The following ODAD3 variants were observed in gnomAD, a reference collection of about 807,000 sequenced individuals.
ODAD3 encodes outer dynein arm-docking complex subunit 3.
Under a neutral mutation model 70.9 loss-of-function variants are expected in ODAD3, and 57 were observed. The observed-to-expected ratio is 0.80, with a 90% CI of 0.65 to 1.00. The LOEUF (loss-of-function observed/expected upper bound fraction) is 1.00. Among genes scored for constraint, ODAD3 ranks in the 50% least tolerant of loss-of-function variants. The pLI is 0.00. For synonymous variants in ODAD3, 327 were observed against 315.9 expected, an observed-to-expected ratio of 1.04 and a Z score of -0.37; for missense variants, 797 against 763.9, an observed-to-expected ratio of 1.04 and a Z score of -0.51.
chr19:11,425,085 GTA>G (rs1969267570), intron 7 of ODAD3, among the ~76,000 whole-genome samples: 6 of 127,132 alleles, frequency 4.7e-5, no homozygotes, highest in African/African-American at 2.4e-4. Flanking sequence ...ATGTGTATAT[GTA>G]CATATGTGTA....
chr19:11,431,113 CTTT>C (rs371864734), intron 1 of ODAD3, 93 bp from the exon 2 acceptor site: 416 of 1,252,572 alleles, frequency 3.3e-4, no homozygotes, highest in Middle Eastern at 5.1e-4. Flanking sequence ...CAATCATCAA[CTTT>C]TTTTTTTTTT....
chr19:11,426,593 T>A, intron 5 of ODAD3, 22 bp from the exon 6 acceptor site: 1 of 1,613,678 alleles, frequency 6.2e-7, no homozygotes, highest in Middle Eastern at 1.7e-4. Context: ...TGGGGAGGGG[T>A]AGCGGAGATG....
chr19:11,421,252 G>C, intron 11 of ODAD3, 40 bp from the exon 12 acceptor site: 1 of 1,570,442 alleles, frequency 6.4e-7, no homozygotes. Flanking sequence ...GGTGGGCGGG[G>C]CCAGGGGCCA....
intron 7 of ODAD3, among the ~76,000 whole-genome samples, chr19:11,425,088 C>CATATGTGT (rs1330599507): frequency 8.2e-6 from 1 of 121,818 alleles, no homozygotes; most frequent in Non-Finnish European, 1.6e-5. Context: ...TGTATATGTA[C>CATATGTGT]ATATGTGTAT....
chr19:11,423,246 G>C (rs775952607), intron 8 of ODAD3, among the ~76,000 whole-genome samples: 10 of 152,336 alleles, frequency 6.6e-5, no homozygotes, highest in Non-Finnish European at 1.2e-4. Flanking sequence ...CATCTGGAAA[G>C]GGGCTGCGCC....
At position 11,430,941 on chromosome 19, in the gene ODAD3, C is replaced by A; in HGVS notation, c.324G>T (p.Lys108Asn). Residue 108 changes from lysine (K) to asparagine (N), a missense_variant, in exon 2 of 13, where the codon AAG becomes AAT. Physicochemically the swap from Lys to Asn is moderately conservative, Grantham distance 94 (BLOSUM62 0). Transcript: ENST00000356392. ...KNQETISQLR[K>N]ETKALELKLL... is the part of the protein sequence containing the mutation. ...GCTTTAGTTCCAGTGCCTTAGTCTC[C>A]TTGCGGAGCTGACTGATGGTCTCCT... 1 of 1,614,046 alleles carries A rather than the reference C, an allele frequency of 6.2e-7. No individual in the cohort carries two copies. Among genetic ancestry groups the A allele is most frequent in the South Asian group, 1.1e-5 (1 of 91,070 alleles).
Position 11,434,791 on chromosome 19 carries a change from T to TATACATAAAAG in ODAD3, c.225_226insCTTTTATGTAT (p.Lys76LeufsTer10), listed in dbSNP as rs2144790522. 2 of 1,613,422 alleles carry TATACATAAAAG rather than the reference T, an allele frequency of 1.2e-6. No individual in the cohort carries two copies. The highest frequency in any genetic ancestry group is 1.1e-5 in the South Asian group (1 of 91,048). The stretch of plus-strand genomic sequence containing the variant: ...ATCTTACCTAACAGTTGTATCTTTT[T>TATACATAAAAG]ATGTAACTCAGCCACCTGAGAGTGC... On this transcript the variant is annotated frameshift_variant, in exon 1 of 13. Coordinates refer to ENST00000356392, the MANE Select transcript of ODAD3 (RefSeq NM_145045.5). LOFTEE classifies it high-confidence loss of function.
intron 1 of ODAD3, among the ~76,000 whole-genome samples, chr19:11,431,942 CA>C (rs71164201): frequency 4.4e-3 from 279 of 64,062 alleles, no homozygotes; most frequent in African/African-American, 0.011. Flanking sequence ...GACTCTGCCT[CA>C]AAAAAAAAAA....
chr19:11,426,490 G>A lies in ODAD3; in HGVS notation c.796C>T (p.His266Tyr). The change falls in exon 6 of 13, where the codon CAC becomes TAC. Residue 266 changes from histidine to tyrosine, a missense_variant. Physicochemically the swap from His to Tyr is moderately conservative, Grantham distance 83. Transcript: ENST00000356392. The part of the protein sequence containing the change: ...VRTKHELEAL[H>Y]VVNQEALNAR... ...TTGAGGGCCTCTTGGTTCACCACGTGCAGTGCCTCCAGCTCATGTTTGGTC... is the reference window on the plus strand; with the variant it reads ...TTGAGGGCCTCTTGGTTCACCACGTACAGTGCCTCCAGCTCATGTTTGGTC... The A allele has an allele frequency of 6.2e-7, 1 of 1,614,072 alleles. No homozygotes were observed. Among genetic ancestry groups the A allele is most frequent in the Non-Finnish European group, 8.5e-7 (1 of 1,179,968 alleles).
rs546923726 is a variant in ODAD3 at position 11,424,017 on chromosome 19, G to A, written c.976C>T (p.His326Tyr). The A allele has an allele frequency of 8.7e-6, 14 of 1,609,716 alleles. No individual in the cohort carries two copies. Among genetic ancestry groups the A allele is most frequent in the East Asian group, 2.2e-5 (1 of 44,856 alleles). The change falls in exon 8 of 13, where the codon CAC becomes TAC. Residue 326 changes from histidine (H) to tyrosine (Y), a missense_variant. His to Tyr is a moderately conservative substitution (Grantham distance 83, BLOSUM62 2). Coordinates refer to ENST00000356392, the MANE Select transcript of ODAD3 (RefSeq NM_145045.5). ...GTGTCGTCGGACTGTAGCAGCAGGT[G>A]CTCGCGGTGGGTCTGCTCGTGGGTT... Reference protein sequence around the residue: ...ERMERKTHREHLLLQSDDTIQ... With the variant: ...ERMERKTHREYLLLQSDDTIQ...
At chr19:11,434,243 C>G (rs974482520) in intron 1 of ODAD3, among the ~76,000 whole-genome samples, 19 of 145,610 alleles carry the variant, frequency 1.3e-4, no homozygotes, top group Non-Finnish European at 2.5e-4. Context: ...AAAAAAAACG[C>G]GGGTGCAGTG....
chr19:11,420,775 G>T lies in ODAD3; in HGVS notation c.*60C>A. On this transcript the variant is annotated 3_prime_UTR_variant, in exon 13 of 13. Transcript: ENST00000356392. Reference sequence around the variant, plus strand: ...CCTGAAGGGGCCCCGTGGGGCCTGCGCTAGACCCGGAGGGATCGGGGGCTC... The same window carrying T: ...CCTGAAGGGGCCCCGTGGGGCCTGCTCTAGACCCGGAGGGATCGGGGGCTC... 1 of 1,485,200 alleles carries T rather than the reference G, an allele frequency of 6.7e-7. No individual in the cohort carries two copies. Among genetic ancestry groups the T allele is most frequent in the Non-Finnish European group, 9.4e-7 (1 of 1,065,224 alleles). 92.0% of individuals were successfully genotyped at this position (1,485,200 alleles called of 1,614,324 possible).
Position 11,420,808 on chromosome 19 carries a change from G to A in ODAD3, c.*27C>T, listed in dbSNP as rs762580322. The A allele has an allele frequency of 2.5e-6, 4 of 1,592,674 alleles. No homozygotes were observed. Among genetic ancestry groups the A allele is most frequent in the Non-Finnish European group, 3.4e-6 (4 of 1,160,892 alleles). ...CGGAGGGATCGGGGGCTCCGAAGGGGGCCGCCTGGTGGGTGTCAGGACGAG... is the reference window on the plus strand; with the variant it reads ...CGGAGGGATCGGGGGCTCCGAAGGGAGCCGCCTGGTGGGTGTCAGGACGAG... On this transcript the variant is annotated 3_prime_UTR_variant, in exon 13 of 13. Coordinates refer to ENST00000356392, the MANE Select transcript of ODAD3 (RefSeq NM_145045.5).
chr19:11,428,353 C>G (rs1170732769), intron 3 of ODAD3, among the ~76,000 whole-genome samples: 2 of 151,906 alleles, frequency 1.3e-5, no homozygotes, highest in Non-Finnish European at 2.9e-5. Flanking sequence ...GTGATCCTTC[C>G]TCCTCAGCGT....
In ODAD3 at chr19:11,421,345, C is replaced by A. The variant is rs978286347; in HGVS notation, c.1591-133G>T. 1.1e-5 allele frequency: 9 copies of A among 835,196 alleles called. No homozygotes were observed. The Admixed American group carries it at 1.1e-4, about 10-fold the overall frequency. 51.7% of individuals were successfully genotyped at this position (835,196 alleles called of 1,614,324 possible). ...ACTGGAGACCACTGCCCACTCCCAT[C>A]CCTCCTTAAGCAGGCACCTTGATAC... On this transcript the variant is annotated intron_variant, in intron 11 of 12. Coordinates refer to ENST00000356392, the MANE Select transcript of ODAD3 (RefSeq NM_145045.5).
intron 7 of ODAD3, among the ~76,000 whole-genome samples, chr19:11,425,129 G>GTATATATGTA (rs377272277): frequency 8.1e-6 from 1 of 122,844 alleles, no homozygotes; most frequent in Non-Finnish European, 1.6e-5. Flanking sequence ...GTACATATGT[G>GTATATATGTA]TATATGTGTA....
upstream of ODAD3, chr19:11,435,537 G>A (rs1373969618): frequency 3.8e-6 from 2 of 519,582 alleles, no homozygotes; most frequent in Non-Finnish European, 6.6e-6. Context: ...CTCTGGCACC[G>A]CCCCCACTCC....
Position 11,427,007 on chromosome 19 carries a change from T to C in ODAD3, c.478A>G (p.Lys160Glu). 1 of 1,600,656 alleles carries C rather than the reference T, an allele frequency of 6.2e-7. No homozygotes were observed. ...LEHLDHRLREKVKQQNALRHQ... is the reference protein window; with the variant it reads ...LEHLDHRLREEVKQQNALRHQ... The stretch of plus-strand genomic sequence containing the variant: ...CGCAGGGCGTTCTGCTGCTTCACCT[T>C]CTCCCTCAGCCGGTGGTCTAGGTGC... The change falls in exon 4 of 13, where the codon AAG (lysine) becomes GAG (glutamate). Residue 160 changes from lysine (K) to glutamate (E), a missense_variant. Coordinates refer to ENST00000356392, the MANE Select transcript of ODAD3 (RefSeq NM_145045.5).
Position 11,425,221 on chromosome 19 carries a change from ATG to A in ODAD3, c.963+921_963+922del, listed in dbSNP as rs1555722328. ...TGTGTATGTGTACATATGTGTATATATGTGTGTATATGTACATATGTGTATAT... is the reference window on the plus strand; with the variant it reads ...TGTGTATGTGTACATATGTGTATATATGTGTATATGTACATATGTGTATAT... On this transcript the variant is annotated intron_variant, in intron 7 of 12. Transcript: ENST00000356392. 4.7e-3 allele frequency among the ~76,000 whole-genome samples: 569 copies of A among 120,626 alleles called. 56 individuals carry two copies. In the East Asian group the frequency reaches 0.095, roughly 20 times the overall value. The allele number at this position is 120,626 out of a possible 152,430, so 79.1% of individuals were successfully genotyped here.
Sources: allele counts gnomAD v4.1 joint callset (sites outside exome capture counted in the v4.1 genomes callset), GRCh38; gene constraint gnomAD v4.1.1; transcripts MANE v1.5; gene names NCBI Gene and HGNC (gene_info 2026-07-23, HGNC 2026-07-21).